The following PLIN2 variants were observed in gnomAD, a reference collection of about 807,000 sequenced individuals.
The protein encoded by PLIN2 is perilipin-2.
Under a neutral mutation model 30.6 loss-of-function variants are expected in PLIN2, and 33 were observed. The observed-to-expected ratio is 1.08, with a 90% CI of 0.82 to 1.44. The LOEUF (loss-of-function observed/expected upper bound fraction) is 1.44. PLIN2 is among the 40% of genes most tolerant of loss of function. The pLI is 0.00. For missense variants in PLIN2, 610 were observed against 531.8 expected (o/e 1.15, Z -1.45); for synonymous variants, 205 against 201.1 (o/e 1.02, Z -0.16).
intron 6 of PLIN2, among the ~76,000 whole-genome samples, chr9:19,118,776 G>A (rs1254099109): frequency 2.0e-5 from 3 of 152,114 alleles, no homozygotes; most frequent in East Asian, 3.9e-4. Flanking sequence ...ACAGTGGCGC[G>A]ATCACAGCTC....
In PLIN2 at chr9:19,116,575, C is replaced by G. The variant is rs933903130; in HGVS notation, c.987G>C (p.Leu329=). 1.9e-6 allele frequency: 3 copies of G among 1,614,108 alleles called. No homozygotes were observed. The highest frequency in any genetic ancestry group is 2.5e-6 in the Non-Finnish European group (3 of 1,180,012). Residue 329 remains leucine, a synonymous_variant, in exon 8 of 8, where the codon CTG becomes CTC. Transcript: ENST00000276914. Reference sequence around the variant, plus strand: ...TCTGTGGTACACCTTGGATGTTGGACAGGAGGGTGTGGCACGTGGTCTGGA... The same window carrying G: ...TCTGTGGTACACCTTGGATGTTGGAGAGGAGGGTGTGGCACGTGGTCTGGA... ...QQLQTTCHTL[L]SNIQGVPQNI...
Position 19,126,276 on chromosome 9 carries a change from C to T in PLIN2, c.64G>A (p.Val22Met). The T allele has an allele frequency of 6.2e-7, 1 of 1,613,950 alleles. No homozygotes were observed. The change falls in exon 3 of 8, where the codon GTG (valine) becomes ATG (methionine). Residue 22 changes from valine to methionine, a missense_variant. Transcript: ENST00000276914. ...VVTRVVNLPLVSSTYDLMSSA... is the reference protein window; with the variant it reads ...VVTRVVNLPLMSSTYDLMSSA... ...GACATGAGGTCATACGTGGAGCTCA[C>T]CAAGGGCAGGTTGACCACCCGAGTC...
intron 4 of PLIN2, chr9:19,123,226 G>A (rs1818346060): frequency 3.5e-6 from 3 of 852,372 alleles, no homozygotes; most frequent in East Asian, 2.7e-5. Flanking sequence ...CAAGCCAGGT[G>A]AGAAAAGGTT....
At position 19,116,072 on chromosome 9, in the gene PLIN2, A is replaced by G; in HGVS notation, c.*176T>C. The G allele has an allele frequency of 3.7e-6, 2 of 541,872 alleles. No homozygotes were observed. Among genetic ancestry groups the G allele is most frequent in the Non-Finnish European group, 6.3e-6 (2 of 317,458 alleles). 33.6% of individuals were successfully genotyped at this position (541,872 alleles called of 1,614,324 possible). ...TTCTTTTCTTACCAGGTGAACAGAA[A>G]TCATCTGCTAATGCCAGAAACTTTA... is the stretch of plus-strand genomic sequence containing the variant. On this transcript the variant is annotated 3_prime_UTR_variant, in exon 8 of 8. Transcript: ENST00000276914.
At chr9:19,126,376 A>T (rs765463720) in intron 2 of PLIN2, 21 bp downstream of exon 2, 3 of 1,613,766 alleles carry the variant, frequency 1.9e-6, no homozygotes, top group Non-Finnish European at 2.5e-6. Context: ...AAAGTAGACA[A>T]AGGCTACTCA....
At chr9:19,126,494 C>T in intron 1 of PLIN2, 46 bp from the exon 2 acceptor site, 1 of 1,242,690 alleles carries the variant, frequency 8.0e-7, no homozygotes, top group Non-Finnish European at 1.2e-6. Flanking sequence ...AAGACTCTCC[C>T]AAATTCATTC....
In PLIN2 at chr9:19,126,300, T is replaced by C. The variant is rs752904982; in HGVS notation, c.40A>G (p.Thr14Ala). ...ACCAAGGGCAGGTTGACCACCCGAG[T>C]CACCACACTCTGCAATCAAAGTAGG... ...VAVDPQPSVV[T>A]RVVNLPLVSS... Residue 14 changes from threonine (T) to alanine (A), a missense_variant, in exon 3 of 8, where the codon ACT becomes GCT. By Grantham distance (58) the Thr-to-Ala change is moderately conservative. Transcript: ENST00000276914. 6.2e-7 allele frequency: 1 copy of C among 1,613,650 alleles called. No homozygotes were observed. The highest frequency in any genetic ancestry group is 8.5e-7 in the Non-Finnish European group (1 of 1,179,704).
intron 1 of PLIN2, among the ~76,000 whole-genome samples, chr9:19,126,765 G>C (rs1818407780): frequency 6.6e-6 from 1 of 152,210 alleles, no homozygotes; most frequent in Admixed American, 6.5e-5. Context: ...AGCCAAGCCG[G>C]ACGCGGTGGC....
chr9:19,116,509 G>T lies in PLIN2; in HGVS notation c.1053C>A (p.Gly351=). The change falls in exon 8 of 8, where the codon GGC becomes GGA. Residue 351 remains glycine (G), a synonymous_variant. Coordinates refer to ENST00000276914, the MANE Select transcript of PLIN2 (RefSeq NM_001122.4). Reference sequence around the variant, plus strand: ...CATTGCGGAACACTGAGTAGATGTCGCCTGCCATCACCCCCATGTGCTTGG... The same window carrying T: ...CATTGCGGAACACTGAGTAGATGTCTCCTGCCATCACCCCCATGTGCTTGG... ...DQAKHMGVMA[G]DIYSVFRNAA... The T allele has an allele frequency of 6.2e-7, 1 of 1,614,110 alleles. No homozygotes were observed. Among genetic ancestry groups the T allele is most frequent in the Non-Finnish European group, 8.5e-7 (1 of 1,180,014 alleles).
intron 4 of PLIN2, among the ~76,000 whole-genome samples, chr9:19,123,027 G>C (rs1254070788): frequency 6.6e-6 from 1 of 152,164 alleles, no homozygotes; most frequent in Non-Finnish European, 1.5e-5. Context: ...ACTGTATTTA[G>C]ATTATGAAAA....
intron 4 of PLIN2, among the ~76,000 whole-genome samples, chr9:19,121,489 C>CAAAAAA (rs375474450): frequency 2.2e-5 from 1 of 45,216 alleles, no homozygotes; most frequent in Non-Finnish European, 4.7e-5. Context: ...GACCCTGTCT[C>CAAAAAA]AAAAAAAAAA....
Position 19,119,814 on chromosome 9 carries a change from C to A in PLIN2, c.613G>T (p.Val205Phe), listed in dbSNP as rs774013077. The A allele has an allele frequency of 1.3e-6, 2 of 1,555,450 alleles. No homozygotes were observed. Among genetic ancestry groups the A allele is most frequent in the African/African-American group, 1.4e-5 (1 of 72,364 alleles). ...TTCTGAACCAGATCAAATCCTTCAA[C>A]TTTTTTTGCTTCTTTTTCTGAAGTT... ...EEELEKEAKK[V>F]EGFDLVQKPS... Residue 205 changes from valine to phenylalanine, a missense_variant, in exon 6 of 8, where the codon GTT becomes TTT. Coordinates refer to ENST00000276914, the MANE Select transcript of PLIN2 (RefSeq NM_001122.4).
intron 5 of PLIN2, 134 bp downstream of exon 5, chr9:19,120,746 A>C (rs1818301000): frequency 3.0e-6 from 2 of 674,128 alleles, no homozygotes; most frequent in Non-Finnish European, 5.1e-6. Context: ...GGGTAGCAGA[A>C]GTGTTCTGAA....
At chr9:19,113,897 C>T (rs1818188480), downstream of PLIN2, among the ~76,000 whole-genome samples, 1 of 151,810 alleles carries the variant, frequency 6.6e-6, no homozygotes. Context: ...GCCTCAGCCT[C>T]CCGAGGAGCT....
At chr9:19,126,898 C>G (rs1224942837) in intron 1 of PLIN2, among the ~76,000 whole-genome samples, 1 of 151,968 alleles carries the variant, frequency 6.6e-6, no homozygotes, top group Non-Finnish European at 1.5e-5. Context: ...AAAAATTAGC[C>G]GGGCGTGGTG....
chr9:19,108,861 C>T (rs940717870), intron 2 of PLIN2: 1 of 152,386 alleles, frequency 6.6e-6, no homozygotes, highest in Non-Finnish European at 1.5e-5. Flanking sequence ...TTGTCCATAG[C>T]TGTGCTTTTT....
chr9:19,122,802 T>C (rs955206485), intron 4 of PLIN2, among the ~76,000 whole-genome samples: 3 of 152,106 alleles, frequency 2.0e-5, no homozygotes, highest in African/African-American at 4.8e-5. Flanking sequence ...ATGATAAATA[T>C]AGTGCACTTG....
At chr9:19,113,839 A>G (rs1392671340), downstream of PLIN2, among the ~76,000 whole-genome samples, 1 of 150,916 alleles carries the variant, frequency 6.6e-6, no homozygotes, top group Non-Finnish European at 1.5e-5. Flanking sequence ...CAATGGCGCA[A>G]TCTCAGCTCA....
chr9:19,124,928 A>G lies in PLIN2; in HGVS notation c.226+1186T>C, dbSNP rs142006188. ...AAGTACTGATATGATGTGACAAGAC[A>G]GATTAACTTTGAAAACATTATGCTT... is the stretch of plus-strand genomic sequence containing the variant. On this transcript the variant is annotated intron_variant, in intron 3 of 7. Coordinates refer to ENST00000276914, the MANE Select transcript of PLIN2 (RefSeq NM_001122.4). Among the ~76,000 whole-genome samples, 280 of 152,342 alleles carry G rather than the reference A, an allele frequency of 1.8e-3. 1 individual carries two copies. The highest frequency in any genetic ancestry group is 6.4e-3 in the African/African-American group (267 of 41,580).
Sources: allele counts gnomAD v4.1 joint callset (sites outside exome capture counted in the v4.1 genomes callset), GRCh38; gene constraint gnomAD v4.1.1; transcripts MANE v1.5; gene names NCBI Gene and HGNC (gene_info 2026-07-23, HGNC 2026-07-21).